Variants in TBC1D22B observed in about 807,000 individuals in gnomAD.
TBC1D22B encodes the protein TBC1 domain family member 22B.
A neutral mutation model predicts 69.1 loss-of-function variants in TBC1D22B; 32 were observed. The observed-to-expected ratio is 0.46, with a 90% CI of 0.35 to 0.62. The LOEUF (loss-of-function observed/expected upper bound fraction) is 0.62. Among genes scored for constraint, TBC1D22B ranks in the 20% least tolerant of loss-of-function variants. TBC1D22B has a pLI of 0.00. For synonymous variants in TBC1D22B, 206 were observed against 229.8 expected (o/e 0.90, Z 0.94); for missense variants, 462 against 630.9 (o/e 0.73, Z 2.87).
chr6:37,317,104 T>C lies in TBC1D22B; in HGVS notation c.1294-7T>C. Reference sequence around the variant, plus strand: ...GGGAGACCTAACTCTATTTTTCTGCTTCCCAGTCTGAACCAGAAGGGTTCT... The same window carrying C: ...GGGAGACCTAACTCTATTTTTCTGCCTCCCAGTCTGAACCAGAAGGGTTCT... On this transcript the variant is annotated splice_polypyrimidine_tract_variant and splice_region_variant and intron_variant, in intron 11 of 12. Transcript: ENST00000373491. 6.4e-7 allele frequency: 1 copy of C among 1,561,886 alleles called. No individual in the cohort carries two copies. Among genetic ancestry groups the C allele is most frequent in the East Asian group, 2.4e-5 (1 of 42,304 alleles).
chr6:37,311,327 A>T (rs1033825573), intron 8 of TBC1D22B, among the ~76,000 whole-genome samples: 1 of 151,582 alleles, frequency 6.6e-6, no homozygotes, highest in Admixed American at 6.6e-5. Context: ...GAGTTGTTAC[A>T]TGTTTTCTCA....
chr6:37,324,364 A>G (rs1402489025), intron 12 of TBC1D22B: 1 of 456,760 alleles, frequency 2.2e-6, no homozygotes, highest in East Asian at 6.9e-5. Flanking sequence ...GGCACCGATG[A>G]TAAAAATCCA....
At chr6:37,310,986 A>C (rs1327022289) in intron 8 of TBC1D22B, among the ~76,000 whole-genome samples, 1 of 152,242 alleles carries the variant, frequency 6.6e-6, no homozygotes, top group Non-Finnish European at 1.5e-5. Flanking sequence ...ATAAACACAT[A>C]AATATTGTAT....
chr6:37,295,164 G>A (rs776053916), intron 8 of TBC1D22B, among the ~76,000 whole-genome samples: 32 of 152,166 alleles, frequency 2.1e-4, no homozygotes, highest in Middle Eastern at 3.4e-3. Context: ...GTGCAGTGGT[G>A]TAATCATAGC....
intron 7 of TBC1D22B, among the ~76,000 whole-genome samples, chr6:37,290,519 T>TC (rs972308518): frequency 1.3e-5 from 2 of 152,168 alleles, no homozygotes; most frequent in Admixed American, 1.3e-4. Context: ...CTTTCCTTTG[T>TC]CCCCAGTGTA....
intron 8 of TBC1D22B, among the ~76,000 whole-genome samples, chr6:37,308,708 A>G (rs1767811486): frequency 6.6e-6 from 1 of 152,230 alleles, no homozygotes; most frequent in African/African-American, 2.4e-5. Flanking sequence ...CCTTAAGACG[A>G]AAGACAGAAG....
chr6:37,281,628 C>T (rs1255655290), intron 3 of TBC1D22B, among the ~76,000 whole-genome samples: 1 of 152,172 alleles, frequency 6.6e-6, no homozygotes, highest in Non-Finnish European at 1.5e-5. Flanking sequence ...GTCCTTGGAG[C>T]AGCTGGGGGT....
chr6:37,267,260 A>C (rs1479354924), intron 1 of TBC1D22B, among the ~76,000 whole-genome samples: 1 of 148,810 alleles, frequency 6.7e-6, no homozygotes. Flanking sequence ...CTTCTTAAAA[A>C]AGTCTTTCAC....
chr6:37,286,566 T>C (rs970434859), intron 6 of TBC1D22B, among the ~76,000 whole-genome samples: 3 of 151,666 alleles, frequency 2.0e-5, no homozygotes, highest in African/African-American at 7.3e-5. Context: ...CCGCCCGGCT[T>C]GGCCTCCCAA....
intron 2 of TBC1D22B, 38 bp downstream of exon 2, chr6:37,269,688 G>A: frequency 6.3e-7 from 1 of 1,590,566 alleles, no homozygotes; most frequent in African/African-American, 1.3e-5. Context: ...ATCTACTGCT[G>A]TCACCCCTAT....
At chr6:37,309,442 T>G (rs573147730) in intron 8 of TBC1D22B, among the ~76,000 whole-genome samples, 2 of 152,250 alleles carry the variant, frequency 1.3e-5, no homozygotes, top group Non-Finnish European at 2.9e-5. Context: ...AATGCCCAAG[T>G]TGGAAAAGAC....
intron 8 of TBC1D22B, among the ~76,000 whole-genome samples, chr6:37,305,764 C>A (rs1020983881): frequency 6.6e-6 from 1 of 152,204 alleles, no homozygotes. Context: ...TCGTGATCCA[C>A]CCGTCTCGGC....
intron 1 of TBC1D22B, among the ~76,000 whole-genome samples, chr6:37,260,862 A>C (rs1393801865): frequency 1.3e-5 from 2 of 152,208 alleles, no homozygotes; most frequent in African/African-American, 4.8e-5. Context: ...TAGTATACAT[A>C]CACCACATTT....
intron 8 of TBC1D22B, among the ~76,000 whole-genome samples, chr6:37,301,577 T>C (rs1767573305): frequency 6.6e-6 from 1 of 152,242 alleles, no homozygotes; most frequent in African/African-American, 2.4e-5. Flanking sequence ...AGTACTTCAT[T>C]CTTTTCTATG....
At chr6:37,299,335 T>C (rs1767494277) in intron 8 of TBC1D22B, among the ~76,000 whole-genome samples, 1 of 152,260 alleles carries the variant, frequency 6.6e-6, no homozygotes, top group Non-Finnish European at 1.5e-5. Flanking sequence ...GTTAAAAATA[T>C]TAGGTTGAAT....
At chr6:37,295,126 A>G (rs1187720207) in intron 8 of TBC1D22B, among the ~76,000 whole-genome samples, 1 of 152,126 alleles carries the variant, frequency 6.6e-6, no homozygotes, top group Non-Finnish European at 1.5e-5. Context: ...ATTTGGAGAC[A>G]GGGTCCCACT....
At chr6:37,323,760 C>T (rs1476814598) in intron 12 of TBC1D22B, among the ~76,000 whole-genome samples, 1 of 152,224 alleles carries the variant, frequency 6.6e-6, no homozygotes, top group Non-Finnish European at 1.5e-5. Flanking sequence ...CCTGTCTTTA[C>T]AGACATTTGG....
chr6:37,327,921 T>G (rs76048389), intron 12 of TBC1D22B, among the ~76,000 whole-genome samples: 2 of 149,262 alleles, frequency 1.3e-5, no homozygotes, highest in Non-Finnish European at 3.0e-5. Flanking sequence ...GCAAAGTTTG[T>G]TTTTTTTTTA....
At chr6:37,328,279 TG>T (rs1768489694) in intron 12 of TBC1D22B, among the ~76,000 whole-genome samples, 1 of 152,180 alleles carries the variant, frequency 6.6e-6, no homozygotes, top group Non-Finnish European at 1.5e-5. Flanking sequence ...CGTTCCAGCC[TG>T]GGCAATAGAG....
Sources: allele counts gnomAD v4.1 joint callset (sites outside exome capture counted in the v4.1 genomes callset), GRCh38; gene constraint gnomAD v4.1.1; transcripts MANE v1.5; gene names NCBI Gene and HGNC (gene_info 2026-07-23, HGNC 2026-07-21).